MS4A4E: variants seen among roughly 807,000 people sequenced by gnomAD.
MS4A4E encodes membrane spanning 4-domains A4E, also known as putative membrane-spanning 4-domains subfamily A member 4E.
A neutral mutation model predicts 13.3 loss-of-function variants in MS4A4E; 23 were observed. That is an observed-to-expected ratio of 1.73 (90% CI 1.25 to 2.45). MS4A4E has a LOEUF of 2.45. MS4A4E is among the 30% of genes most tolerant of loss of function. The pLI is 0.00. For missense variants in MS4A4E, 144 were observed against 131.2 expected (o/e 1.10, Z -0.48); for synonymous variants, 36 against 45.6 (o/e 0.79, Z 0.85).
intron 3 of MS4A4E, among the ~76,000 whole-genome samples, chr11:60,228,037 G>A (rs2084365205): frequency 2.0e-5 from 3 of 152,056 alleles, no homozygotes; most frequent in South Asian, 4.1e-4. Context: ...CTTGGTTTTG[G>A]TGATGAGTTT....
chr11:60,208,802 G>A (rs531812350), intron 5 of MS4A4E, 108 bp from the exon 6 acceptor site: 71 of 439,016 alleles, frequency 1.6e-4, no homozygotes, highest in African/African-American at 1.2e-3. Flanking sequence ...TGGGAGTCAG[G>A]AAACCTGCCT....
At chr11:60,225,135 A>T in intron 3 of MS4A4E, 3 of 1,450,258 alleles carry the variant, frequency 2.1e-6, no homozygotes, top group Non-Finnish European at 2.7e-6. Flanking sequence ...CACCACAAAA[A>T]TGGTGCTTAT....
chr11:60,242,648 A>T (rs553149634), intron 1 of MS4A4E, among the ~76,000 whole-genome samples: 3 of 152,370 alleles, frequency 2.0e-5, no homozygotes, highest in Non-Finnish European at 2.9e-5. Context: ...TGTTGCTTAC[A>T]GTGTTTTGGT....
Position 60,214,559 on chromosome 11 carries a change from A to G in MS4A4E, c.222+12T>C. On this transcript the variant is annotated intron_variant, in intron 4 of 8. Transcript: ENST00000651255. ...CCTTTCCTTTTGATACCCCCCACAA[A>G]ACATTACTCACCAGACCTTTTGTTG... 6.6e-7 allele frequency: 1 copy of G among 1,508,174 alleles called. No homozygotes were observed. Among genetic ancestry groups the G allele is most frequent in the South Asian group, 1.3e-5 (1 of 79,898 alleles). The allele number at this position is 1,508,174 out of a possible 1,614,324, so 93.4% of individuals were successfully genotyped here.
intron 3 of MS4A4E, chr11:60,225,228 CT>C: frequency 5.1e-6 from 4 of 786,280 alleles, no homozygotes; most frequent in Non-Finnish European, 7.3e-6. Flanking sequence ...TGTTGTCACT[CT>C]TTTTTTCACA....
At chr11:60,242,244 T>C (rs147623682) in intron 1 of MS4A4E, among the ~76,000 whole-genome samples, 1 of 152,328 alleles carries the variant, frequency 6.6e-6, no homozygotes, top group Non-Finnish European at 1.5e-5. Flanking sequence ...TGATTCTAGG[T>C]ACATTATTTC....
At chr11:60,202,420 T>A (rs1273093719) in intron 8 of MS4A4E, among the ~76,000 whole-genome samples, 1 of 152,228 alleles carries the variant, frequency 6.6e-6, no homozygotes, top group African/African-American at 2.4e-5. Flanking sequence ...GAGCTTGCCA[T>A]TCAATCTGGT....
intron 2 of MS4A4E, among the ~76,000 whole-genome samples, chr11:60,229,386 G>A (rs1426672609): frequency 6.6e-6 from 1 of 152,182 alleles, no homozygotes; most frequent in African/African-American, 2.4e-5. Flanking sequence ...GCTTGGGCTA[G>A]TGATAAACCT....
In MS4A4E at chr11:60,217,906, G is replaced by T. The variant is rs151331397; in HGVS notation, c.179-3292C>A. Among the ~76,000 whole-genome samples, 897 of 152,230 alleles carry T rather than the reference G, an allele frequency of 5.9e-3. 14 individuals are homozygous for T. The highest frequency in any genetic ancestry group is 0.021 in the African/African-American group (870 of 41,528). On this transcript the variant is annotated intron_variant, in intron 3 of 8. Coordinates refer to ENST00000651255, the MANE Select transcript of MS4A4E (RefSeq NM_001393391.1). The stretch of plus-strand genomic sequence containing the variant: ...TCTGGGCACCTTGAAAAAAGAACAG[G>T]ATAACAGCAATTATTCAGGGAATAA...
At chr11:60,230,816 T>A (rs2084400328) in intron 1 of MS4A4E, among the ~76,000 whole-genome samples, 1 of 152,234 alleles carries the variant, frequency 6.6e-6, no homozygotes, top group Non-Finnish European at 1.5e-5. Flanking sequence ...ATGGAAATTT[T>A]TACCTATGTA....
At chr11:60,232,709 T>C (rs185226653) in intron 1 of MS4A4E, among the ~76,000 whole-genome samples, 1 of 152,272 alleles carries the variant, frequency 6.6e-6, no homozygotes, top group East Asian at 1.9e-4. Flanking sequence ...CCTGAGTTGC[T>C]ACTGTGCTGC....
intron 3 of MS4A4E, among the ~76,000 whole-genome samples, chr11:60,217,988 C>T (rs1423359980): frequency 1.3e-5 from 2 of 152,182 alleles, no homozygotes; most frequent in African/African-American, 2.4e-5. Flanking sequence ...AGCCATATTT[C>T]TCTTCTTTCA....
intron 6 of MS4A4E, among the ~76,000 whole-genome samples, chr11:60,206,346 T>C: frequency 6.6e-6 from 1 of 151,180 alleles, no homozygotes. Flanking sequence ...TTTCAAGTGC[T>C]GCTGCCTCAT....
intron 6 of MS4A4E, among the ~76,000 whole-genome samples, chr11:60,208,286 G>C (rs1173841092): frequency 1.3e-5 from 2 of 152,114 alleles, no homozygotes; most frequent in African/African-American, 4.8e-5. Context: ...AGAGACTCTG[G>C]CTCTCCTGCT....
chr11:60,224,122 A>G (rs1425372195), intron 3 of MS4A4E, among the ~76,000 whole-genome samples: 2 of 152,016 alleles, frequency 1.3e-5, no homozygotes, highest in Admixed American at 6.6e-5. Flanking sequence ...CATAAATTTT[A>G]TTTTTCTTTT....
chr11:60,204,424 C>G (rs552033055), intron 8 of MS4A4E, among the ~76,000 whole-genome samples: 3 of 152,310 alleles, frequency 2.0e-5, no homozygotes, highest in African/African-American at 7.2e-5. Context: ...ATCAACTCAA[C>G]TAGAGTGAAG....
intron 4 of MS4A4E, 138 bp downstream of exon 4, chr11:60,214,433 G>C (rs1340234392): frequency 2.1e-6 from 1 of 474,400 alleles, no homozygotes; most frequent in Non-Finnish European, 3.5e-6. Flanking sequence ...TAATTTTTGA[G>C]ACAGATCCTG....
chr11:60,202,483 G>A (rs1445487521), intron 8 of MS4A4E, among the ~76,000 whole-genome samples: 1 of 152,110 alleles, frequency 6.6e-6, no homozygotes, highest in Non-Finnish European at 1.5e-5. Context: ...CACTACATTG[G>A]CTTAGATTAT....
chr11:60,225,360 G>A (rs773232063), intron 3 of MS4A4E, among the ~76,000 whole-genome samples: 13 of 152,120 alleles, frequency 8.5e-5, no homozygotes, highest in Admixed American at 2.0e-4. Context: ...TGATACCTAG[G>A]ATGCTACTTC....
Sources: allele counts gnomAD v4.1 joint callset (sites outside exome capture counted in the v4.1 genomes callset), GRCh38; gene constraint gnomAD v4.1.1; transcripts MANE v1.5; gene names NCBI Gene and HGNC (gene_info 2026-07-23, HGNC 2026-07-21).